MUSK: variants seen among roughly 807,000 people sequenced by gnomAD.
MUSK encodes muscle, skeletal receptor tyrosine-protein kinase.
MUSK carries 55 observed loss-of-function variants against 88.7 expected under a neutral mutation model. The observed-to-expected ratio is 0.62, with a 90% CI of 0.50 to 0.78. The LOEUF is 0.78. Among genes scored for constraint, MUSK ranks in the 30% least tolerant of loss-of-function variants. The probability of loss-of-function intolerance (pLI) is 0.00; values close to 1 mark genes in which losing one functional copy is unlikely to be tolerated. For synonymous variants in MUSK, 387 were observed against 391.9 expected (o/e 0.99, Z 0.15); for missense variants, 1,015 against 1,074.3 (o/e 0.94, Z 0.77).
chr9:110,704,559 G>A (rs2076571594), intron 5 of MUSK, among the ~76,000 whole-genome samples: 1 of 151,832 alleles, frequency 6.6e-6, no homozygotes, highest in Non-Finnish European at 1.5e-5. Context: ...TGTTCTAAGT[G>A]CTTTAGAATA....
rs1026459941 is a variant in MUSK, at chr9:110,805,301, C to G, written c.*4313C>G. On this transcript the variant is annotated 3_prime_UTR_variant, in exon 15 of 15. Transcript: ENST00000374448. ...AATTATTTTATTAACATGTACCTCT[C>G]CTAGTCAGATAAGACAGCCCATTTA... is the stretch of plus-strand genomic sequence containing the variant. 2.6e-5 allele frequency among the ~76,000 whole-genome samples: 4 copies of G among 151,848 alleles called. No individual in the cohort carries two copies. The South Asian group carries it at 8.3e-4, about 32-fold the overall frequency.
intron 14 of MUSK, among the ~76,000 whole-genome samples, 169 bp from the exon 15 acceptor site, chr9:110,800,137 C>T (rs577695626): frequency 2.0e-5 from 3 of 152,260 alleles, no homozygotes; most frequent in Non-Finnish European, 2.9e-5. Flanking sequence ...AGCTGAGACT[C>T]CTTTTGTGTT....
intron 5 of MUSK, among the ~76,000 whole-genome samples, chr9:110,719,540 A>G (rs550355934): frequency 6.6e-6 from 1 of 152,232 alleles, no homozygotes; most frequent in South Asian, 2.1e-4. Flanking sequence ...GGAAAATATC[A>G]CAATCCTAAA....
At chr9:110,798,157 G>C (rs2078039906) in intron 14 of MUSK, among the ~76,000 whole-genome samples, 1 of 152,126 alleles carries the variant, frequency 6.6e-6, no homozygotes, top group African/African-American at 2.4e-5. Context: ...ATAGTTTCTT[G>C]TAAGTTAATC....
chr9:110,685,599 C>A (rs2131665295), intron 2 of MUSK, among the ~76,000 whole-genome samples: 1 of 152,292 alleles, frequency 6.6e-6, no homozygotes, highest in African/African-American at 2.4e-5. Flanking sequence ...GCTAAGTTCT[C>A]TGTCCTGCAT....
At chr9:110,789,060 A>G (rs1239183494) in intron 14 of MUSK, among the ~76,000 whole-genome samples, 1 of 152,236 alleles carries the variant, frequency 6.6e-6, no homozygotes, top group Non-Finnish European at 1.5e-5. Context: ...GCCTTATTAA[A>G]AACATTGGCT....
intron 5 of MUSK, among the ~76,000 whole-genome samples, chr9:110,732,572 C>A (rs2076979512): frequency 1.3e-5 from 2 of 152,034 alleles, no homozygotes; most frequent in African/African-American, 4.8e-5. Context: ...TGTTAAATAT[C>A]TGGGTTTGAT....
chr9:110,729,245 A>G (rs192800737), intron 5 of MUSK, among the ~76,000 whole-genome samples: 1 of 150,324 alleles, frequency 6.7e-6, no homozygotes, highest in African/African-American at 2.4e-5. Context: ...TGTTTAGAGG[A>G]AAATAGCTGG....
rs565084287 is a variant in MUSK at position 110,800,409 on chromosome 9, C to T, written c.2031C>T (p.Ser677=). The T allele has an allele frequency of 1.9e-6, 3 of 1,613,804 alleles. No individual in the cohort carries two copies. The highest frequency in any genetic ancestry group is 1.7e-6 in the Non-Finnish European group (2 of 1,179,884). Residue 677 remains serine (S), a synonymous_variant, in exon 15 of 15, where the codon AGC becomes AGT. Transcript: ENST00000374448. The part of the protein sequence containing the change: ...LRSMSPHTVC[S]LSHSDLSMRA... ...GCATGTCCCCTCACACCGTGTGCAG[C>T]CTCAGTCACAGTGACTTGTCTATGA...
intron 3 of MUSK, among the ~76,000 whole-genome samples, chr9:110,691,394 C>A (rs566661609): frequency 6.6e-6 from 1 of 152,190 alleles, no homozygotes; most frequent in Non-Finnish European, 1.5e-5. Flanking sequence ...GTGTCTCAGT[C>A]TCTCTCATTC....
At chr9:110,782,448 A>G (rs1357867961) in intron 11 of MUSK, among the ~76,000 whole-genome samples, 1 of 152,198 alleles carries the variant, frequency 6.6e-6, no homozygotes. Context: ...AAAACTCACT[A>G]AATCATCATA....
At chr9:110,670,422 T>A (rs965334070) in intron 1 of MUSK, among the ~76,000 whole-genome samples, 4 of 152,170 alleles carry the variant, frequency 2.6e-5, no homozygotes, top group African/African-American at 9.7e-5. Flanking sequence ...AATACTAAAA[T>A]ACAGTCTTAT....
At chr9:110,699,209 C>A (rs1306621466) in intron 5 of MUSK, among the ~76,000 whole-genome samples, 1 of 152,040 alleles carries the variant, frequency 6.6e-6, no homozygotes, top group Non-Finnish European at 1.5e-5. Context: ...TTTCTCGTAA[C>A]CTTTAAATGG....
chr9:110,686,188 T>C (rs1334516401), intron 2 of MUSK, among the ~76,000 whole-genome samples: 1 of 152,124 alleles, frequency 6.6e-6, no homozygotes, highest in Non-Finnish European at 1.5e-5. Context: ...CTTGGCCCCC[T>C]ACTCCACTTA....
intron 3 of MUSK, among the ~76,000 whole-genome samples, chr9:110,689,193 T>TTTAAATAAATATATA (rs1564216520): frequency 1.3e-4 from 3 of 22,992 alleles, no homozygotes; most frequent in Non-Finnish European, 2.3e-4. Flanking sequence ...AAATATATCA[T>TTTAAATAAATATATA]ATATATATTC....
In MUSK at chr9:110,802,291, C is replaced by T. The variant is rs377487561; in HGVS notation, c.*1303C>T. On this transcript the variant is annotated 3_prime_UTR_variant, in exon 15 of 15. Coordinates refer to ENST00000374448, the MANE Select transcript of MUSK (RefSeq NM_005592.4). ...TTCAGATTTTTTCTCAGTGGATCCT[C>T]ACACAATACATCTTTATCTAAGTCC... Among the ~76,000 whole-genome samples the T allele has an allele frequency of 2.6e-5, 4 of 152,104 alleles. No individual in the cohort carries two copies. The East Asian group carries it at 7.7e-4, about 29-fold the overall frequency.
intron 9 of MUSK, among the ~76,000 whole-genome samples, chr9:110,774,690 G>C (rs754357796): frequency 6.6e-6 from 1 of 151,990 alleles, no homozygotes; most frequent in Non-Finnish European, 1.5e-5. Flanking sequence ...TCTCCCTTAC[G>C]CACACCAAGA....
chr9:110,755,680 C>T (rs1362793400), intron 7 of MUSK, among the ~76,000 whole-genome samples: 1 of 151,948 alleles, frequency 6.6e-6, no homozygotes, highest in African/African-American at 2.4e-5. Context: ...ATCTTCCATT[C>T]AGGAACATGG....
chr9:110,730,045 T>C (rs755287467), intron 5 of MUSK, among the ~76,000 whole-genome samples: 1 of 151,994 alleles, frequency 6.6e-6, no homozygotes, highest in Non-Finnish European at 1.5e-5. Flanking sequence ...GAATATAATG[T>C]GGGTATGTTA....
Sources: allele counts gnomAD v4.1 joint callset (sites outside exome capture counted in the v4.1 genomes callset), GRCh38; gene constraint gnomAD v4.1.1; transcripts MANE v1.5; gene names NCBI Gene and HGNC (gene_info 2026-07-23, HGNC 2026-07-21).